The following FBXL7 variants were observed in gnomAD, a reference collection of about 807,000 sequenced individuals.
FBXL7 encodes F-box/LRR-repeat protein 7.
In FBXL7, 12 loss-of-function variants were observed where a neutral mutation model predicts 38.3. The ratio of observed to expected loss-of-function variants is 0.31; its 90% CI spans 0.20 to 0.51. The LOEUF (loss-of-function observed/expected upper bound fraction) is 0.51. Among genes scored for constraint, FBXL7 ranks in the 20% least tolerant of loss-of-function variants. The pLI, the probability that FBXL7 is intolerant of heterozygous loss-of-function variation, is 0.98. For synonymous variants in FBXL7, 297 were observed against 300.9 expected (o/e 0.99, Z 0.13); for missense variants, 567 against 676.4 (o/e 0.84, Z 1.79).
chr5:15,699,434 C>A (rs116703192), intron 2 of FBXL7, among the ~76,000 whole-genome samples: 1 of 152,154 alleles, frequency 6.6e-6, no homozygotes, highest in African/African-American at 2.4e-5. Context: ...TTCGCCATCC[C>A]GTTGTGCTCC....
At chr5:15,630,994 A>G (rs1163123474) in intron 2 of FBXL7, among the ~76,000 whole-genome samples, 1 of 152,128 alleles carries the variant, frequency 6.6e-6, no homozygotes, top group Non-Finnish European at 1.5e-5. Context: ...ATATGCATTT[A>G]GCTTGTTTAC....
chr5:15,701,667 T>G (rs1441622903), intron 2 of FBXL7, among the ~76,000 whole-genome samples: 6 of 152,236 alleles, frequency 3.9e-5, no homozygotes, highest in African/African-American at 7.2e-5. Flanking sequence ...GAATGGAATG[T>G]AATAGAAAAA....
intron 2 of FBXL7, among the ~76,000 whole-genome samples, chr5:15,737,417 C>A (rs1257631401): frequency 6.6e-6 from 1 of 152,108 alleles, no homozygotes; most frequent in Non-Finnish European, 1.5e-5. Flanking sequence ...AGACTTACTT[C>A]AAAAACTCAA....
chr5:15,632,932 C>T (rs1741048015), intron 2 of FBXL7, among the ~76,000 whole-genome samples: 1 of 152,032 alleles, frequency 6.6e-6, no homozygotes, highest in South Asian at 2.1e-4. Context: ...CAGTCATATC[C>T]CAAACCTGAA....
At chr5:15,621,344 C>A (rs1349613441) in intron 2 of FBXL7, among the ~76,000 whole-genome samples, 1 of 152,160 alleles carries the variant, frequency 6.6e-6, no homozygotes, top group Admixed American at 6.5e-5. Context: ...CCAACATAAT[C>A]TACATTCCAA....
At chr5:15,634,323 T>C (rs1221530178) in intron 2 of FBXL7, among the ~76,000 whole-genome samples, 7 of 146,980 alleles carry the variant, frequency 4.8e-5, no homozygotes, top group South Asian at 2.1e-4. Context: ...CTTTTTTTTT[T>C]TTTTTTTTTT....
chr5:15,675,848 G>A (rs368478968), intron 2 of FBXL7, among the ~76,000 whole-genome samples: 12 of 152,276 alleles, frequency 7.9e-5, no homozygotes, highest in East Asian at 3.9e-4. Flanking sequence ...GTATAATTGT[G>A]TTATTCCTTA....
chr5:15,760,443 A>G (rs1561115712), intron 2 of FBXL7, among the ~76,000 whole-genome samples: 1 of 152,054 alleles, frequency 6.6e-6, no homozygotes, highest in Non-Finnish European at 1.5e-5. Flanking sequence ...AAAAAAAAGA[A>G]AAAAGTTGAG....
At chr5:15,767,918 A>C (rs1416258714) in intron 2 of FBXL7, among the ~76,000 whole-genome samples, 1 of 152,220 alleles carries the variant, frequency 6.6e-6, no homozygotes, top group Non-Finnish European at 1.5e-5. Flanking sequence ...CTTAATAATC[A>C]CACATTTTTA....
At chr5:15,672,008 G>C (rs753377771) in intron 2 of FBXL7, among the ~76,000 whole-genome samples, 2 of 152,160 alleles carry the variant, frequency 1.3e-5, no homozygotes, top group Non-Finnish European at 2.9e-5. Flanking sequence ...GTTACTGGGA[G>C]CTTCTAATGC....
At chr5:15,659,603 A>G (rs1016562493) in intron 2 of FBXL7, among the ~76,000 whole-genome samples, 16 of 152,208 alleles carry the variant, frequency 1.1e-4, no homozygotes, top group African/African-American at 1.2e-4. Flanking sequence ...AATACAAACA[A>G]GGATATTTAT....
At chr5:15,525,710 G>A (rs1737233419) in intron 1 of FBXL7, among the ~76,000 whole-genome samples, 1 of 152,094 alleles carries the variant, frequency 6.6e-6, no homozygotes. Context: ...GAGAGAAGGC[G>A]ATATTCTTAT....
chr5:15,573,117 T>G (rs1182593271), intron 1 of FBXL7, among the ~76,000 whole-genome samples: 1 of 152,222 alleles, frequency 6.6e-6, no homozygotes, highest in Non-Finnish European at 1.5e-5. Context: ...TGATTTCACT[T>G]TTTTGTTTAC....
intron 2 of FBXL7, among the ~76,000 whole-genome samples, chr5:15,817,790 C>T (rs940143279): frequency 2.0e-5 from 3 of 152,166 alleles, no homozygotes; most frequent in African/African-American, 4.8e-5. Flanking sequence ...AACTGCGAGT[C>T]CACTAAACCT....
Position 15,936,450 on chromosome 5 carries a change from G to A in FBXL7, c.740G>A (p.Gly247Glu), listed in dbSNP as rs1467043571. 4.3e-6 allele frequency: 7 copies of A among 1,611,788 alleles called. No individual in the cohort carries two copies. Among genetic ancestry groups the A allele is most frequent in the African/African-American group, 1.3e-5 (1 of 75,060 alleles). Reference protein sequence around the residue: ...CPNLEHLDVSGCSKVTCISLT... With the variant: ...CPNLEHLDVSECSKVTCISLT... ...GCCTGTGTTCTGTCTCTTTGTGCAGGATGCTCCAAAGTGACCTGCATCAGC... is the reference window on the plus strand; with the variant it reads ...GCCTGTGTTCTGTCTCTTTGTGCAGAATGCTCCAAAGTGACCTGCATCAGC... Residue 247 changes from glycine (G) to glutamate (E), a missense_variant and splice_region_variant, in exon 4 of 4, where the codon GGA becomes GAA. Transcript: ENST00000504595. This position sits in a 1 kb window ranked among gnomAD's most constrained non-coding sequence, Gnocchi z 6.0.
chr5:15,636,780 T>A (rs998801680), intron 2 of FBXL7, among the ~76,000 whole-genome samples: 1 of 151,396 alleles, frequency 6.6e-6, no homozygotes, highest in Non-Finnish European at 1.5e-5. Flanking sequence ...TTAGTTTGGA[T>A]GTCTTTAAAC....
At chr5:15,898,649 T>C (rs1181489582) in intron 2 of FBXL7, among the ~76,000 whole-genome samples, 1 of 152,236 alleles carries the variant, frequency 6.6e-6, no homozygotes, top group African/African-American at 2.4e-5. Context: ...GCTAAAAAGA[T>C]GTGTCGCAGG....
chr5:15,571,136 T>C (rs773497361), intron 1 of FBXL7, among the ~76,000 whole-genome samples: 8 of 150,878 alleles, frequency 5.3e-5, no homozygotes, highest in Non-Finnish European at 8.9e-5. Flanking sequence ...AAAATGTCAA[T>C]GTTTGAGCAG....
At chr5:15,629,980 GTTA>G in intron 2 of FBXL7, among the ~76,000 whole-genome samples, 1 of 152,124 alleles carries the variant, frequency 6.6e-6, no homozygotes, top group South Asian at 2.1e-4. Context: ...ATATTTGGCA[GTTA>G]TTTACTCTTA....
Sources: gnomAD v4.1 joint callset for allele counts (sites outside exome capture counted in the v4.1 genomes callset) on GRCh38, gnomAD v4.1.1 for gene constraint, Gnocchi (gnomAD v3.1) non-coding constraint, MANE v1.5 for transcripts, NCBI Gene and HGNC (gene_info 2026-07-23, HGNC 2026-07-21) for gene names.